The following IGSF11 variants were observed in gnomAD, a reference collection of about 807,000 sequenced individuals.
IGSF11 encodes CXADR like 1.
Under a neutral mutation model 41.0 loss-of-function variants are expected in IGSF11, and 22 were observed. That is an observed-to-expected ratio of 0.54 (90% CI 0.38 to 0.77). IGSF11 has a LOEUF of 0.77. IGSF11 is among the 30% of genes least tolerant of loss of function. The probability of loss-of-function intolerance (pLI) is 0.00; values close to 1 mark genes in which losing one functional copy is unlikely to be tolerated. For synonymous variants in IGSF11, 219 were observed against 201.3 expected, an observed-to-expected ratio of 1.09 and a Z score of -0.74; for missense variants, 444 against 530.8, an observed-to-expected ratio of 0.84 and a Z score of 1.61.
chr3:119,128,234 C>T (rs1223115297), intron 1 of IGSF11, among the ~76,000 whole-genome samples: 1 of 151,912 alleles, frequency 6.6e-6, no homozygotes. Flanking sequence ...TGGCAGGTGC[C>T]TATAGTCCAG....
At position 118,902,735 on chromosome 3, in the gene IGSF11, C is replaced by T. The variant is rs1398808502; in HGVS notation, c.1081G>A (p.Gly361Arg). The T allele has an allele frequency of 1.2e-6, 2 of 1,613,996 alleles. No homozygotes were observed. The highest frequency in any genetic ancestry group is 1.3e-5 in the African/African-American group (1 of 74,906). ...NANIPSIYAN[G>R]THLVPGQHKT... is the part of the protein sequence containing the mutation. ...TGTTGACCCGGGACCAGATGGGTCC[C>T]ATTAGCATAAATGGATGGTATGTTG... is the stretch of plus-strand genomic sequence containing the variant. Residue 361 changes from glycine (G) to arginine (R), a missense_variant, in exon 7 of 7, where the codon GGG becomes AGG. This residue lies in a region of IGSF11 where 223 missense variants were observed against 226.2 expected (regional missense o/e 0.99). Coordinates refer to ENST00000393775, the MANE Select transcript of IGSF11 (RefSeq NM_001015887.3).
chr3:118,915,353 T>C (rs1450239248), intron 4 of IGSF11, among the ~76,000 whole-genome samples: 3 of 81,678 alleles, frequency 3.7e-5, no homozygotes, highest in Non-Finnish European at 6.3e-5. Flanking sequence ...AGTTGAAAAC[T>C]TTGAAAAAAA....
intron 1 of IGSF11, among the ~76,000 whole-genome samples, chr3:118,964,225 T>C (rs987834462): frequency 6.6e-6 from 1 of 152,172 alleles, no homozygotes; most frequent in African/African-American, 2.4e-5. Flanking sequence ...GTTTGTATAT[T>C]TGTTTCAAAG....
intron 1 of IGSF11, among the ~76,000 whole-genome samples, chr3:119,076,011 T>C (rs960209967): frequency 6.6e-6 from 1 of 152,114 alleles, no homozygotes; most frequent in Non-Finnish European, 1.5e-5. Flanking sequence ...CTTCAAACTA[T>C]ACTACAAGGC....
At position 118,904,742 on chromosome 3, in the gene IGSF11, T is replaced by G. The variant is rs1265893400; in HGVS notation, c.760A>C (p.Ile254Leu). The G allele has an allele frequency of 1.2e-6, 2 of 1,613,718 alleles. No individual in the cohort carries two copies. The highest frequency in any genetic ancestry group is 2.7e-5 in the African/African-American group (2 of 74,906). ...AGAIGTGAVI[I>L]IFCIALILGA... Reference sequence around the variant, plus strand: ...AAAATTAGTGCAATGCAAAAAATGATAATAACTGCACCAGTGCCAATGGCT... The same window carrying G: ...AAAATTAGTGCAATGCAAAAAATGAGAATAACTGCACCAGTGCCAATGGCT... Residue 254 changes from isoleucine (I) to leucine (L), a missense_variant, in exon 6 of 7, where the codon ATC becomes CTC. Ile to Leu is a conservative substitution (Grantham distance 5). Around this residue, in one of 3 missense-constraint regions of IGSF11, gnomAD observed 223 missense variants for 226.2 expected, o/e 0.99. Coordinates refer to ENST00000393775, the MANE Select transcript of IGSF11 (RefSeq NM_001015887.3).
intron 1 of IGSF11, among the ~76,000 whole-genome samples, chr3:118,944,108 T>G (rs942437485): frequency 6.6e-6 from 1 of 152,252 alleles, no homozygotes; most frequent in African/African-American, 2.4e-5. Context: ...TCTTGATTTT[T>G]AGATATGTTT....
intron 1 of IGSF11, among the ~76,000 whole-genome samples, chr3:119,140,809 CG>C (rs2077636059): frequency 1.3e-5 from 2 of 151,618 alleles, no homozygotes; most frequent in African/African-American, 4.9e-5. Context: ...TTTGGGAGGC[CG>C]AGGAGGGTGG....
chr3:119,038,886 G>A (rs1296084973), upstream of IGSF11, among the ~76,000 whole-genome samples: 1 of 152,120 alleles, frequency 6.6e-6, no homozygotes, highest in African/African-American at 2.4e-5. Flanking sequence ...AACAAAACAG[G>A]TTAGAGACCT....
At chr3:119,089,911 G>A (rs2107492902) in intron 1 of IGSF11, among the ~76,000 whole-genome samples, 1 of 152,284 alleles carries the variant, frequency 6.6e-6, no homozygotes, top group East Asian at 1.9e-4. Flanking sequence ...TGTAGTCCCA[G>A]CTACTCAGGA....
chr3:118,931,161 G>A (rs1942817806), intron 1 of IGSF11, among the ~76,000 whole-genome samples: 1 of 152,180 alleles, frequency 6.6e-6, no homozygotes, highest in African/African-American at 2.4e-5. Flanking sequence ...GGGATAATTT[G>A]ATAGTAATAT....
At chr3:119,086,494 A>C (rs1421158325) in intron 1 of IGSF11, among the ~76,000 whole-genome samples, 2 of 152,134 alleles carry the variant, frequency 1.3e-5, no homozygotes, top group Non-Finnish European at 2.9e-5. Flanking sequence ...GAGGAAAAAA[A>C]AAAATCTTAA....
rs78119506 is a variant in IGSF11, at chr3:119,088,337, T to C, written c.49+16807A>G. Among the ~76,000 whole-genome samples the C allele has an allele frequency of 3.4e-3, 514 of 152,142 alleles. 8 individuals carry two copies. Among genetic ancestry groups the C allele is most frequent in the African/African-American group, 0.012 (479 of 41,540 alleles). ...CTTCTAAATAACTCCTGAGTGAACA[T>C]TGAAATTAAGGCAGACATTTTTAAA... On this transcript the variant is annotated intron_variant, in intron 1 of 6. Coordinates refer to the IGSF11 transcript ENST00000354673.
intron 1 of IGSF11, chr3:119,012,663 T>C (rs1938264206): frequency 6.6e-6 from 1 of 152,222 alleles, no homozygotes; most frequent in Admixed American, 6.5e-5. Flanking sequence ...ATTTCCCCCA[T>C]CCACTTTTAT....
intron 1 of IGSF11, among the ~76,000 whole-genome samples, chr3:119,110,299 G>A (rs1037692305): frequency 6.6e-6 from 1 of 151,922 alleles, no homozygotes; most frequent in Non-Finnish European, 1.5e-5. Context: ...ATATATTTAG[G>A]ATAGTTAGCT....
In IGSF11 at chr3:119,101,575, A is replaced by G. The variant is rs536311734; in HGVS notation, c.49+3569T>C. On this transcript the variant is annotated intron_variant, in intron 1 of 6. Transcript: ENST00000354673. Reference sequence around the variant, plus strand: ...AAAAAATGTTAAATTACCAAAAGGTATACAATAAAATGTATCCTTCCTTCC... The same window carrying G: ...AAAAAATGTTAAATTACCAAAAGGTGTACAATAAAATGTATCCTTCCTTCC... 2.6e-5 allele frequency among the ~76,000 whole-genome samples: 4 copies of G among 152,340 alleles called. No individual in the cohort carries two copies. The South Asian group carries it at 6.2e-4, about 24-fold the overall frequency.
chr3:119,102,209 TC>T (rs754193316), intron 1 of IGSF11, among the ~76,000 whole-genome samples: 7 of 152,244 alleles, frequency 4.6e-5, no homozygotes, highest in Non-Finnish European at 7.3e-5. Flanking sequence ...GTTGAGGTTT[TC>T]CATCTGCTAT....
intron 6 of IGSF11, among the ~76,000 whole-genome samples, chr3:118,903,246 T>A (rs1576311295): frequency 6.6e-6 from 1 of 152,246 alleles, no homozygotes; most frequent in East Asian, 1.9e-4. Context: ...AATACAACTT[T>A]TAAACATATA....
chr3:118,951,908 G>A (rs561419491), intron 1 of IGSF11, among the ~76,000 whole-genome samples: 1 of 151,940 alleles, frequency 6.6e-6, no homozygotes, highest in Admixed American at 6.6e-5. Context: ...ATCTGTGGTT[G>A]GTTGAATCCA....
At chr3:119,109,642 T>C (rs1035971432), upstream of IGSF11, among the ~76,000 whole-genome samples, 3 of 152,326 alleles carry the variant, frequency 2.0e-5, no homozygotes, top group Admixed American at 1.3e-4. Context: ...CTTTTGAATG[T>C]ATTTGCTCTT....
Sources: gnomAD v4.1 joint callset for allele counts (sites outside exome capture counted in the v4.1 genomes callset) on GRCh38, gnomAD v4.1.1 for gene constraint, gnomAD v4.1.1 regional missense constraint, MANE v1.5 for transcripts, NCBI Gene and HGNC (gene_info 2026-07-23, HGNC 2026-07-21) for gene names.